LYRM4: variants seen among roughly 807,000 people sequenced by gnomAD.
LYRM4 encodes LYR motif containing 4, also known as LYR motif-containing protein 4.
A neutral mutation model predicts 11.7 loss-of-function variants in LYRM4; 9 were observed. The ratio of observed to expected loss-of-function variants is 0.77; its 90% CI spans 0.46 to 1.34. The LOEUF is 1.34. LYRM4 is among the 40% of genes most tolerant of loss of function. The pLI is 0.00. For missense variants in LYRM4, 133 were observed against 112.5 expected, an observed-to-expected ratio of 1.18 and a Z score of -0.82; for synonymous variants, 42 against 40.4, an observed-to-expected ratio of 1.04 and a Z score of -0.15.
intron 1 of LYRM4, among the ~76,000 whole-genome samples, chr6:5,258,163 G>A (rs147573615): frequency 6.6e-6 from 1 of 152,180 alleles, no homozygotes; most frequent in Admixed American, 6.5e-5. Context: ...ATGCACATGT[G>A]GGACTTAGGC....
chr6:5,227,204 T>C (rs1762944570), intron 1 of LYRM4, among the ~76,000 whole-genome samples: 1 of 151,748 alleles, frequency 6.6e-6, no homozygotes, highest in Non-Finnish European at 1.5e-5. Flanking sequence ...AACCTGAAAA[T>C]AAGGGACAAG....
chr6:5,167,531 T>C (rs1044541994), intron 2 of LYRM4, among the ~76,000 whole-genome samples: 19 of 152,278 alleles, frequency 1.2e-4, no homozygotes, highest in African/African-American at 4.1e-4. Context: ...ACTCCTTTTA[T>C]ATCCATAATA....
chr6:5,104,181 T>A (rs1762592258), downstream of LYRM4: 1 of 152,476 alleles, frequency 6.6e-6, no homozygotes, highest in African/African-American at 2.4e-5. Flanking sequence ...CCAATCGAAC[T>A]TACACACAAA....
chr6:5,232,979 C>T (rs1296521763), intron 1 of LYRM4, among the ~76,000 whole-genome samples: 6 of 152,172 alleles, frequency 3.9e-5, no homozygotes, highest in Admixed American at 1.3e-4. Context: ...TAAAATTGTG[C>T]ACCCTGCATT....
At chr6:5,172,088 C>T (rs409295) in intron 2 of LYRM4, among the ~76,000 whole-genome samples, 45,459 of 151,946 alleles carry the variant, frequency 0.3, 7,120 homozygotes, top group African/African-American at 0.4. Context: ...AGAGTCAACA[C>T]CCACAAGCCT....
At chr6:5,126,875 TG>T (rs1763722227) in intron 2 of LYRM4, among the ~76,000 whole-genome samples, 1 of 152,174 alleles carries the variant, frequency 6.6e-6, no homozygotes, top group Non-Finnish European at 1.5e-5. Flanking sequence ...GGTTTCTTTC[TG>T]GTGTGCTGAA....
chr6:5,253,068 A>T (rs140817184), intron 1 of LYRM4, among the ~76,000 whole-genome samples: 4 of 152,290 alleles, frequency 2.6e-5, no homozygotes, highest in African/African-American at 9.6e-5. Flanking sequence ...AGGAGCTTGT[A>T]ATGTTTTACC....
At chr6:5,085,945 C>T in the LYRM4 span, 3 of 1,526,994 alleles carry the variant, frequency 2.0e-6, no homozygotes, top group South Asian at 2.4e-5. Context: ...GGCGGAGGAG[C>T]CGCAGGTGCC....
chr6:5,069,070 T>A, the LYRM4 span, among the ~76,000 whole-genome samples: 4 of 151,732 alleles, frequency 2.6e-5, no homozygotes, highest in Admixed American at 1.3e-4. Flanking sequence ...AAAAAAAAAA[T>A]GGAAATCCAT....
chr6:5,122,614 C>G (rs1763509270), intron 2 of LYRM4, among the ~76,000 whole-genome samples: 1 of 152,226 alleles, frequency 6.6e-6, no homozygotes, highest in Non-Finnish European at 1.5e-5. Flanking sequence ...CCCCGTTGGG[C>G]TCCCTCCTCT....
At chr6:5,184,458 A>G (rs1010151937) in intron 2 of LYRM4, among the ~76,000 whole-genome samples, 2 of 152,218 alleles carry the variant, frequency 1.3e-5, no homozygotes, top group African/African-American at 2.4e-5. Context: ...GCACATAGCC[A>G]TAAGGATTGA....
chr6:5,033,437 G>C, the LYRM4 span: 1 of 152,376 alleles, frequency 6.6e-6, no homozygotes, highest in African/African-American at 2.4e-5. Flanking sequence ...GCCCCAGCCG[G>C]GGACCCCGGG....
At chr6:5,184,436 C>G (rs1029817855) in intron 2 of LYRM4, among the ~76,000 whole-genome samples, 4 of 152,030 alleles carry the variant, frequency 2.6e-5, no homozygotes, top group African/African-American at 9.7e-5. Context: ...CAAAAGGGAC[C>G]TATATTAATA....
the LYRM4 span, among the ~76,000 whole-genome samples, chr6:5,064,604 A>G: frequency 6.6e-6 from 1 of 152,170 alleles, no homozygotes; most frequent in South Asian, 2.1e-4. Context: ...GGGTCTCACT[A>G]TATTGGTCAG....
At chr6:5,118,079 A>AAAATATAT (rs1554126819) in intron 2 of LYRM4, among the ~76,000 whole-genome samples, 5 of 40,360 alleles carry the variant, frequency 1.2e-4, no homozygotes, top group Non-Finnish European at 2.3e-4. Context: ...TCACCAAAAC[A>AAAATATAT]ATATATATAT....
At chr6:5,120,008 C>T (rs1468094458) in intron 2 of LYRM4, among the ~76,000 whole-genome samples, 1 of 151,808 alleles carries the variant, frequency 6.6e-6, no homozygotes, top group African/African-American at 2.4e-5. Context: ...GATTCTTCTG[C>T]CTCAGCCTCC....
the LYRM4 span, chr6:5,066,104 G>C: frequency 2.1e-6 from 1 of 469,476 alleles, no homozygotes; most frequent in South Asian, 2.0e-5. Flanking sequence ...TACAGATTTT[G>C]TTGTAATAGC....
chr6:5,064,361 A>T, the LYRM4 span, among the ~76,000 whole-genome samples: 2 of 152,120 alleles, frequency 1.3e-5, no homozygotes, highest in Non-Finnish European at 2.9e-5. Context: ...TATTTTAAAA[A>T]TAATTAATAT....
intron 2 of LYRM4, among the ~76,000 whole-genome samples, chr6:5,181,726 A>G (rs1760087684): frequency 6.6e-6 from 1 of 151,984 alleles, no homozygotes; most frequent in South Asian, 2.1e-4. Flanking sequence ...CCCATTTCAC[A>G]ACTCTCTTCT....
Sources: allele counts gnomAD v4.1 joint callset (sites outside exome capture counted in the v4.1 genomes callset), GRCh38; gene constraint gnomAD v4.1.1; transcripts MANE v1.5; gene names NCBI Gene and HGNC (gene_info 2026-07-23, HGNC 2026-07-21).